The following ALS2 variants were observed in gnomAD, a reference collection of about 807,000 sequenced individuals.
The protein encoded by ALS2 is alsin Rho guanine nucleotide exchange factor ALS2.
ALS2 carries 117 observed loss-of-function variants against 203.4 expected under a neutral mutation model. The ratio of observed to expected loss-of-function variants is 0.58; its 90% CI spans 0.50 to 0.67. ALS2 has a LOEUF of 0.67. Ranked by LOEUF, ALS2 falls within the 30% of genes least tolerant of loss-of-function variation. The pLI, the probability that ALS2 is intolerant of heterozygous loss-of-function variation, is 0.00. For missense variants in ALS2, 1,715 were observed against 1,989.4 expected (o/e 0.86, Z 2.62); for synonymous variants, 718 against 725.9 (o/e 0.99, Z 0.17).
At position 201,715,806 on chromosome 2, in the gene ALS2, A is replaced by G. The variant is rs1574678061; in HGVS notation, c.3870T>C (p.Asp1290=). ...RKLGNLAVPA[D]EKWKAVFDEC... is the part of the protein sequence containing the mutation. ...CGTCAAACACCGCTTTCCACTTCTC[A>G]TCAGCTGGCACTGCCAGGTTTCCTA... The change falls in exon 25 of 34, where the codon GAT becomes GAC. Residue 1290 remains aspartate, a synonymous_variant. Transcript: ENST00000264276. 7 of 1,614,174 alleles carry G rather than the reference A, an allele frequency of 4.3e-6. No individual in the cohort carries two copies. Among genetic ancestry groups the G allele is most frequent in the African/African-American group, 4.0e-5 (3 of 75,044 alleles).
rs536657746 is a variant in ALS2, at chr2:201,730,788, C to T, written c.2581-1605G>A. The stretch of plus-strand genomic sequence containing the variant: ...CCACACATAACAGGACATTCTTAAG[C>T]GAAATTGTATTTTAACTGCAACTGC... On this transcript the variant is annotated intron_variant, in intron 13 of 33. Coordinates refer to ENST00000264276, the MANE Select transcript of ALS2 (RefSeq NM_020919.4). Among the ~76,000 whole-genome samples the T allele has an allele frequency of 1.1e-4, 17 of 152,308 alleles. No individual in the cohort carries two copies. The East Asian group carries it at 2.3e-3, about 21-fold the overall frequency.
chr2:201,745,722 G>A (rs1692595099), intron 9 of ALS2, among the ~76,000 whole-genome samples: 1 of 152,172 alleles, frequency 6.6e-6, no homozygotes. Context: ...GCTGAGGCGG[G>A]CAGATCACTT....
intron 10 of ALS2, among the ~76,000 whole-genome samples, chr2:201,743,374 T>C (rs1692417691): frequency 6.6e-6 from 1 of 152,218 alleles, no homozygotes; most frequent in Non-Finnish European, 1.5e-5. Context: ...GCATCCCATC[T>C]AGTACTACTG....
intron 3 of ALS2, among the ~76,000 whole-genome samples, chr2:201,766,825 AGCAAACTATC>A (rs974046382): frequency 6.7e-6 from 1 of 148,884 alleles, no homozygotes; most frequent in African/African-American, 2.5e-5. Flanking sequence ...CATCGTTCTC[AGCAAACTATC>A]GCAAGGAGAA....
At chr2:201,753,057 A>AT (rs1315263546) in intron 7 of ALS2, 89 bp downstream of exon 7, 1 of 991,628 alleles carries the variant, frequency 1.0e-6, no homozygotes, top group Non-Finnish European at 1.6e-6. Context: ...TGCCTGACAT[A>AT]TAGCAGATAA....
At chr2:201,775,448 T>C (rs569564893) in intron 1 of ALS2, among the ~76,000 whole-genome samples, 9 of 152,236 alleles carry the variant, frequency 5.9e-5, no homozygotes, top group African/African-American at 1.2e-4. Flanking sequence ...ATTTTACACA[T>C]GGTAAATGCT....
intron 16 of ALS2, 149 bp downstream of exon 16, chr2:201,727,556 T>A: frequency 1.3e-6 from 1 of 743,346 alleles, no homozygotes; most frequent in Non-Finnish European, 2.3e-6. Flanking sequence ...AATAGACTAC[T>A]TTACTGTCTA....
At position 201,757,727 on chromosome 2, in the gene ALS2, G is replaced by C. The variant is rs773256829; in HGVS notation, c.1146C>G (p.His382Gln). Reference sequence around the variant, plus strand: ...CTGAGGTGCTTGTGGTAGGCGGGCTGTGGAGATTAGGAATTGCTTCTTCTA... The same window carrying C: ...CTGAGGTGCTTGTGGTAGGCGGGCTCTGGAGATTAGGAATTGCTTCTTCTA... ...PLLEEAIPNL[H>Q]SPPTTSTSAL... is the part of the protein sequence containing the mutation. The change falls in exon 5 of 34, where the codon CAC becomes CAG. Residue 382 changes from histidine to glutamine, a missense_variant. By Grantham distance (24) the His-to-Gln change is conservative. This residue lies in a region of ALS2 where 476 missense variants were observed against 539.3 expected (regional missense o/e 0.88). Transcript: ENST00000264276. The C allele has an allele frequency of 6.2e-7, 1 of 1,612,208 alleles. No homozygotes were observed. Among genetic ancestry groups the C allele is most frequent in the South Asian group, 1.1e-5 (1 of 91,080 alleles).
At chr2:201,752,434 T>C (rs1442997608) in intron 7 of ALS2, among the ~76,000 whole-genome samples, 1 of 152,148 alleles carries the variant, frequency 6.6e-6, no homozygotes, top group African/African-American at 2.4e-5. Context: ...TTTAAGTCTT[T>C]TGAATGAATC....
intron 27 of ALS2, 145 bp from the exon 28 acceptor site, chr2:201,708,136 G>C (rs1261421440): frequency 1.4e-6 from 1 of 702,306 alleles, no homozygotes; most frequent in Non-Finnish European, 2.4e-6. Flanking sequence ...GTTTCTAACA[G>C]GATAAAATTA....
chr2:201,722,713 C>A, intron 23 of ALS2: 1 of 266,858 alleles, frequency 3.7e-6, no homozygotes, highest in South Asian at 6.8e-5. Flanking sequence ...TGTAAGAAGC[C>A]ACATAGAGGA....
intron 13 of ALS2, among the ~76,000 whole-genome samples, chr2:201,731,719 A>T (rs1691566371): frequency 6.6e-6 from 1 of 152,198 alleles, no homozygotes; most frequent in Non-Finnish European, 1.5e-5. Flanking sequence ...TTTTGTTTTG[A>T]AAAAGCTTCC....
intron 12 of ALS2, among the ~76,000 whole-genome samples, chr2:201,734,093 T>C (rs1275244537): frequency 1.3e-5 from 2 of 152,186 alleles, no homozygotes; most frequent in African/African-American, 2.4e-5. Flanking sequence ...AATAAATTCA[T>C]TGTTAAAATT....
chr2:201,762,123 C>T (rs1361292550), intron 3 of ALS2, among the ~76,000 whole-genome samples: 1 of 152,130 alleles, frequency 6.6e-6, no homozygotes, highest in East Asian at 1.9e-4. Context: ...CGGCCATCAT[C>T]CAGGCTATTA....
At chr2:201,780,631 G>A (rs1694864011) in intron 1 of ALS2, among the ~76,000 whole-genome samples, 1 of 152,214 alleles carries the variant, frequency 6.6e-6, no homozygotes, top group South Asian at 2.1e-4. Flanking sequence ...GAGAGACCGG[G>A]GCAAGTGGGA....
intron 10 of ALS2, 65 bp from the exon 11 acceptor site, chr2:201,741,919 A>G (rs763247139): frequency 2.2e-6 from 3 of 1,337,134 alleles, no homozygotes; most frequent in Non-Finnish European, 3.2e-6. Flanking sequence ...TTATGATGTG[A>G]TTATGATTAT....
chr2:201,780,441 G>T (rs1040530854), intron 1 of ALS2, among the ~76,000 whole-genome samples: 15 of 152,164 alleles, frequency 9.9e-5, no homozygotes, highest in Non-Finnish European at 7.3e-5. Flanking sequence ...AGGCCGCCAG[G>T]GACACTCAGC....
chr2:201,739,182 T>A (rs1460041151), intron 11 of ALS2, among the ~76,000 whole-genome samples: 1 of 131,508 alleles, frequency 7.6e-6, no homozygotes, highest in African/African-American at 2.9e-5. Flanking sequence ...GAGGCTGCAG[T>A]GAGCTGTGAT....
rs751906518 is a variant in ALS2, at chr2:201,707,904, C to T, written c.4368G>A (p.Gly1456=). 1.5e-5 allele frequency: 25 copies of T among 1,613,602 alleles called. No homozygotes were observed. The highest frequency in any genetic ancestry group is 2.0e-5 in the Non-Finnish European group (24 of 1,179,702). ...GTGATTCAGATCGGGAATCTGACTTCCCAGTGCAAAAAGACTTCCTTTCGG... is the reference window on the plus strand; with the variant it reads ...GTGATTCAGATCGGGAATCTGACTTTCCAGTGCAAAAAGACTTCCTTTCGG... ...LPTERKSFCT[G]KSDSRSESPE... is the part of the protein sequence containing the mutation. Residue 1456 remains glycine (G), a synonymous_variant, in exon 28 of 34, where the codon GGG becomes GGA. Transcript: ENST00000264276.
Sources: allele counts gnomAD v4.1 joint callset (sites outside exome capture counted in the v4.1 genomes callset), GRCh38; gene constraint gnomAD v4.1.1; regional missense constraint gnomAD v4.1.1; transcripts MANE v1.5; gene names NCBI Gene and HGNC (gene_info 2026-07-23, HGNC 2026-07-21).